CLNK: variants seen among roughly 807,000 people sequenced by gnomAD.
CLNK encodes cytokine-dependent hematopoietic cell linker.
A neutral mutation model predicts 68.6 loss-of-function variants in CLNK; 74 were observed. That is an observed-to-expected ratio of 1.08 (90% confidence interval 0.89 to 1.31). The LOEUF (loss-of-function observed/expected upper bound fraction) is 1.31. CLNK is among the 50% of genes most tolerant of loss of function. The probability of loss-of-function intolerance (pLI) is 0.00; values close to 1 mark genes in which losing one functional copy is unlikely to be tolerated. For missense variants in CLNK, 553 were observed against 515.3 expected, an observed-to-expected ratio of 1.07 and a Z score of -0.71; for synonymous variants, 198 against 172.2, an observed-to-expected ratio of 1.15 and a Z score of -1.17.
chr4:10,567,421 A>G (rs1720165334), intron 5 of CLNK, among the ~76,000 whole-genome samples: 1 of 152,188 alleles, frequency 6.6e-6, no homozygotes, highest in African/African-American at 2.4e-5. Flanking sequence ...TTTTTATATC[A>G]TATGCAAAAA....
intron 8 of CLNK, among the ~76,000 whole-genome samples, chr4:10,553,662 C>T (rs893172531): frequency 2.0e-5 from 3 of 152,100 alleles, no homozygotes; most frequent in Admixed American, 1.3e-4. Context: ...CCACGTTGGC[C>T]GGGCTGGTCT....
chr4:10,674,022 A>C (rs1363325008), intron 1 of CLNK, among the ~76,000 whole-genome samples: 1 of 152,174 alleles, frequency 6.6e-6, no homozygotes, highest in African/African-American at 2.4e-5. Flanking sequence ...TCTCTCTGTC[A>C]AAGGAATGAC....
intron 2 of CLNK, among the ~76,000 whole-genome samples, chr4:10,654,914 AAC>A: frequency 6.6e-6 from 1 of 152,152 alleles, no homozygotes; most frequent in East Asian, 1.9e-4. Flanking sequence ...CATCCTGGCT[AAC>A]ACAGGTGAAA....
chr4:10,489,887 T>C lies in CLNK; in HGVS notation c.*580A>G, dbSNP rs187312027. ...TTCACCATGTTAGCCAGGATGGTCT[T>C]GATCTCCTGACCTCGTGATCTGTCC... is the stretch of plus-strand genomic sequence containing the variant. On this transcript the variant is annotated 3_prime_UTR_variant, in exon 19 of 19. Transcript: ENST00000226951. The C allele has an allele frequency of 5.8e-3, 890 of 152,324 alleles. 6 individuals carry two copies. The highest frequency in any genetic ancestry group is 8.8e-3 in the Non-Finnish European group (600 of 68,170). The allele number at this position is 152,324 out of a possible 1,614,324, so 9.4% of individuals were successfully genotyped here.
chr4:10,555,848 G>A (rs1039218965), intron 8 of CLNK, among the ~76,000 whole-genome samples: 10 of 152,136 alleles, frequency 6.6e-5, no homozygotes, highest in Non-Finnish European at 1.3e-4. Context: ...CCTAAAATGG[G>A]GGGGGCATTC....
intron 2 of CLNK, among the ~76,000 whole-genome samples, chr4:10,608,616 C>T (rs1021288329): frequency 1.3e-5 from 2 of 152,174 alleles, no homozygotes; most frequent in African/African-American, 4.8e-5. Context: ...GTCATGGGAA[C>T]CAACTCCTTA....
chr4:10,645,973 C>G (rs1723495741), intron 2 of CLNK, among the ~76,000 whole-genome samples: 2 of 151,882 alleles, frequency 1.3e-5, no homozygotes, highest in South Asian at 2.1e-4. Flanking sequence ...AAAAGGGCAG[C>G]TACAAAAACA....
rs751752141 is a variant in CLNK at position 10,513,617 on chromosome 4, AT to A, written c.773-21del. 6.3e-7 allele frequency: 1 copy of A among 1,578,398 alleles called. No homozygotes were observed. Among genetic ancestry groups the A allele is most frequent in the Non-Finnish European group, 8.6e-7 (1 of 1,162,114 alleles). Reference sequence around the variant, plus strand: ...TATGATCTGGAAAGGTTAAATTCACATTTCAGTGTGATTTTGTGACTGGTGC... The same window carrying A: ...TATGATCTGGAAAGGTTAAATTCACATTCAGTGTGATTTTGTGACTGGTGC... On this transcript the variant is annotated intron_variant, in intron 15 of 18. Transcript: ENST00000226951.
chr4:10,495,467 T>A (rs1300342415), intron 18 of CLNK, among the ~76,000 whole-genome samples: 1 of 152,184 alleles, frequency 6.6e-6, no homozygotes, highest in African/African-American at 2.4e-5. Context: ...ACTCTTTCTG[T>A]GTTCCCAGAA....
At chr4:10,701,110 C>T in the CLNK span, among the ~76,000 whole-genome samples, 3 of 152,168 alleles carry the variant, frequency 2.0e-5, no homozygotes, top group Non-Finnish European at 4.4e-5. Flanking sequence ...GTCCATGGAG[C>T]TATCACCATC....
At chr4:10,665,280 C>T (rs528049829) in intron 2 of CLNK, among the ~76,000 whole-genome samples, 208 of 152,328 alleles carry the variant, frequency 1.4e-3, no homozygotes, top group Middle Eastern at 3.4e-3. Context: ...GAGACCAACT[C>T]CCTGGCTAAA....
At chr4:10,511,388 C>A (rs1303103604) in intron 16 of CLNK, among the ~76,000 whole-genome samples, 4 of 152,168 alleles carry the variant, frequency 2.6e-5, no homozygotes, top group Admixed American at 6.6e-5. Flanking sequence ...CCATTTTAAC[C>A]ATTTTTAGGT....
At chr4:10,692,271 T>A in the CLNK span, among the ~76,000 whole-genome samples, 23 of 152,326 alleles carry the variant, frequency 1.5e-4, no homozygotes, top group African/African-American at 4.8e-4. Flanking sequence ...CGTGCCTGGA[T>A]CCTACAGCTC....
intron 18 of CLNK, among the ~76,000 whole-genome samples, chr4:10,493,509 G>A (rs544865866): frequency 9.2e-5 from 14 of 152,044 alleles, no homozygotes; most frequent in Non-Finnish European, 2.1e-4. Context: ...TTTTACAAGG[G>A]AACGAATCTC....
chr4:10,660,367 T>G (rs13128842), intron 2 of CLNK, among the ~76,000 whole-genome samples: 18 of 151,978 alleles, frequency 1.2e-4, no homozygotes, highest in African/African-American at 3.4e-4. Context: ...CATATGATAC[T>G]TCAAGTTAAA....
At chr4:10,585,693 TG>T (rs758835386) in intron 3 of CLNK, among the ~76,000 whole-genome samples, 146 of 152,306 alleles carry the variant, frequency 9.6e-4, no homozygotes, top group African/African-American at 3.3e-3. Flanking sequence ...GGCACACACC[TG>T]TAGTCCCAAC....
At chr4:10,548,933 A>G (rs1041531860) in intron 8 of CLNK, among the ~76,000 whole-genome samples, 1 of 152,204 alleles carries the variant, frequency 6.6e-6, no homozygotes, top group African/African-American at 2.4e-5. Flanking sequence ...TGAAATCAGG[A>G]AGTGTGATGG....
intron 2 of CLNK, among the ~76,000 whole-genome samples, chr4:10,613,274 T>C (rs1477082935): frequency 6.6e-6 from 1 of 152,080 alleles, no homozygotes; most frequent in Non-Finnish European, 1.5e-5. Flanking sequence ...TGGGTATGAA[T>C]AGTCCTTGGG....
intron 3 of CLNK, among the ~76,000 whole-genome samples, chr4:10,592,826 A>G (rs924168226): frequency 6.6e-6 from 1 of 152,028 alleles, no homozygotes; most frequent in African/African-American, 2.4e-5. Context: ...CCCGAGTTCA[A>G]GAGATTTTCC....
Sources: gnomAD v4.1 joint callset for allele counts (sites outside exome capture counted in the v4.1 genomes callset) on GRCh38, gnomAD v4.1.1 for gene constraint, MANE v1.5 for transcripts, NCBI Gene and HGNC (gene_info 2026-07-23, HGNC 2026-07-21) for gene names.